Variants in CADPS observed in about 807,000 individuals in gnomAD.
CADPS encodes the protein calcium-dependent secretion activator 1.
In CADPS, 57 loss-of-function variants were observed where a neutral mutation model predicts 167.3. The ratio of observed to expected loss-of-function variants is 0.34; its 90% CI spans 0.28 to 0.42. CADPS has a LOEUF of 0.42. Among genes scored for constraint, CADPS ranks in the 20% least tolerant of loss-of-function variants. The probability of loss-of-function intolerance (pLI) is 1.00; values close to 1 mark genes in which losing one functional copy is unlikely to be tolerated. For synonymous variants in CADPS, 676 were observed against 635.3 expected (o/e 1.06, Z -0.96); for missense variants, 1,414 against 1,738.1 (o/e 0.81, Z 3.32).
intron 6 of CADPS, among the ~76,000 whole-genome samples, chr3:62,631,577 C>T (rs1031881458): frequency 2.8e-4 from 43 of 152,232 alleles, no homozygotes; most frequent in African/African-American, 8.4e-4. Context: ...GTACAAACAC[C>T]ACAGTGGAAT....
chr3:62,758,500 G>A (rs1453629311), intron 2 of CADPS, among the ~76,000 whole-genome samples: 1 of 152,210 alleles, frequency 6.6e-6, no homozygotes, highest in Non-Finnish European at 1.5e-5. Context: ...GTGGGGCCTG[G>A]GCCAGCCTCA....
At chr3:62,633,983 A>C (rs1322454639) in intron 6 of CADPS, among the ~76,000 whole-genome samples, 1 of 152,210 alleles carries the variant, frequency 6.6e-6, no homozygotes, top group East Asian at 1.9e-4. Context: ...ACAGACGGCA[A>C]ATGGATATTT....
intron 26 of CADPS, among the ~76,000 whole-genome samples, chr3:62,452,701 C>T (rs2058225213): frequency 6.6e-6 from 1 of 152,108 alleles, no homozygotes. Flanking sequence ...ACAGGAAGAA[C>T]AATACTGTAA....
At chr3:62,835,233 G>C (rs304179) in intron 1 of CADPS, among the ~76,000 whole-genome samples, 129,853 of 152,078 alleles carry the variant, frequency 0.85, 55,649 homozygotes, top group Middle Eastern at 0.91. Context: ...CCATTAAGTA[G>C]TATCTCAAAA....
At chr3:62,538,401 C>CCTGCAATCCAAAG (rs2075126298) in intron 11 of CADPS, among the ~76,000 whole-genome samples, 1 of 152,106 alleles carries the variant, frequency 6.6e-6, no homozygotes, top group South Asian at 2.1e-4. Flanking sequence ...GGTGACATTT[C>CCTGCAATCCAAAG]TCTATCGCCT....
Position 62,753,822 on chromosome 3 carries a change from G to C in CADPS, c.556-49C>G. On this transcript the variant is annotated intron_variant, in intron 2 of 29. Coordinates refer to ENST00000383710, the MANE Select transcript of CADPS (RefSeq NM_003716.4). The surrounding 1 kb of genome is among the most constrained non-coding windows in gnomAD (Gnocchi z 4.6). Reference sequence around the variant, plus strand: ...AGACAGTAGGAGAGTTTACCACAGAGGTACCAGTTCCCTGGGGCTGGACAC... The same window carrying C: ...AGACAGTAGGAGAGTTTACCACAGACGTACCAGTTCCCTGGGGCTGGACAC... The C allele has an allele frequency of 6.5e-7, 1 of 1,535,760 alleles. No homozygotes were observed. Among genetic ancestry groups the C allele is most frequent in the South Asian group, 1.2e-5 (1 of 80,164 alleles).
chr3:62,521,913 T>G (rs1458475765), intron 13 of CADPS, among the ~76,000 whole-genome samples: 1 of 152,138 alleles, frequency 6.6e-6, no homozygotes. Context: ...GACTATGACC[T>G]CAGTTCAGCT....
chr3:62,725,972 T>G (rs907213715), intron 3 of CADPS, among the ~76,000 whole-genome samples: 6 of 151,700 alleles, frequency 4.0e-5, no homozygotes, highest in Non-Finnish European at 1.5e-5. Flanking sequence ...AGAGTCTGGC[T>G]TTGGACACTA....
Position 62,445,743 on chromosome 3 carries a change from G to T in CADPS, c.3669+22C>A. 24 of 1,344,860 alleles carry T rather than the reference G, an allele frequency of 1.8e-5. 1 individual carries two copies. Among genetic ancestry groups the T allele is most frequent in the Non-Finnish European group, 2.3e-5 (23 of 996,978 alleles). 83.3% of individuals were successfully genotyped at this position (1,344,860 alleles called of 1,614,324 possible). A position where few individuals can be genotyped will look rare whatever the true frequency, so the allele number is the denominator to read the frequency against. ...AAAAAAAAACAAAAAAACCCCATGAGAAACAATTTTCAAATACTCACAGGT... is the reference window on the plus strand; with the variant it reads ...AAAAAAAAACAAAAAAACCCCATGATAAACAATTTTCAAATACTCACAGGT... On this transcript the variant is annotated intron_variant, in intron 27 of 29. Coordinates refer to ENST00000383710, the MANE Select transcript of CADPS (RefSeq NM_003716.4).
intron 1 of CADPS, among the ~76,000 whole-genome samples, chr3:62,810,323 A>C (rs547651884): frequency 3.3e-4 from 51 of 152,312 alleles, no homozygotes; most frequent in African/African-American, 1.1e-3. Flanking sequence ...AATTTTATTC[A>C]CATAATCACC....
At chr3:62,727,377 A>C (rs1466976044) in intron 3 of CADPS, among the ~76,000 whole-genome samples, 4 of 151,948 alleles carry the variant, frequency 2.6e-5, no homozygotes, top group African/African-American at 4.9e-5. Flanking sequence ...CATTTATATG[A>C]AGTTCAAAAT....
At chr3:62,690,164 T>C (rs1421306884) in intron 3 of CADPS, among the ~76,000 whole-genome samples, 2 of 151,994 alleles carry the variant, frequency 1.3e-5, no homozygotes, top group Non-Finnish European at 2.9e-5. Context: ...CTGTCAACAA[T>C]GCTGGAGCTG....
rs868334081 is a variant in CADPS at position 62,486,263 on chromosome 3, G to T, written c.3027-4394C>A. 6.8e-4 allele frequency among the ~76,000 whole-genome samples: 103 copies of T among 151,980 alleles called. 1 individual carries two copies. The highest frequency in any genetic ancestry group is 2.4e-3 in the African/African-American group (100 of 41,396). On this transcript the variant is annotated intron_variant, in intron 21 of 29. Coordinates refer to ENST00000383710, the MANE Select transcript of CADPS (RefSeq NM_003716.4). ...AGATCGAGACCATCCTGGCTAACAC[G>T]GTGAAACCCTGCCCCACTAAAAACA...
At chr3:62,810,848 C>A (rs977183100) in intron 1 of CADPS, among the ~76,000 whole-genome samples, 1 of 152,200 alleles carries the variant, frequency 6.6e-6, no homozygotes, top group African/African-American at 2.4e-5. Flanking sequence ...AGGGCTCTTA[C>A]GTGTGTTTGG....
chr3:62,648,043 C>G (rs1326067751), intron 5 of CADPS, among the ~76,000 whole-genome samples: 2 of 152,112 alleles, frequency 1.3e-5, no homozygotes, highest in African/African-American at 4.8e-5. Context: ...TCCAGCCATG[C>G]AAGTGTATAA....
At chr3:62,697,136 T>A (rs2080453682) in intron 3 of CADPS, among the ~76,000 whole-genome samples, 1 of 152,062 alleles carries the variant, frequency 6.6e-6, no homozygotes, top group South Asian at 2.1e-4. Context: ...TTCCATAGGT[T>A]TTGGGGAACA....
At chr3:62,816,902 T>TTCC (rs1308968319) in intron 1 of CADPS, among the ~76,000 whole-genome samples, 1 of 152,142 alleles carries the variant, frequency 6.6e-6, no homozygotes, top group Non-Finnish European at 1.5e-5. Flanking sequence ...AGCCCAGGTT[T>TTCC]TCCTCCTCCT....
At chr3:62,466,523 C>T (rs1448858908) in intron 24 of CADPS, 110 bp from the exon 25 acceptor site, 10 of 724,126 alleles carry the variant, frequency 1.4e-5, no homozygotes, top group East Asian at 2.7e-5. Context: ...CTGCGGACCC[C>T]GTTTATTTCC....
chr3:62,728,878 G>C (rs1048861359), intron 3 of CADPS, among the ~76,000 whole-genome samples: 18 of 151,800 alleles, frequency 1.2e-4, no homozygotes, highest in Admixed American at 4.6e-4. Context: ...TGTCCACTAG[G>C]GTGGATAACT....
Sources: gnomAD v4.1 joint callset for allele counts (sites outside exome capture counted in the v4.1 genomes callset) on GRCh38, gnomAD v4.1.1 for gene constraint, Gnocchi (gnomAD v3.1) non-coding constraint, MANE v1.5 for transcripts, NCBI Gene and HGNC (gene_info 2026-07-23, HGNC 2026-07-21) for gene names.